GFM2: variants seen among roughly 807,000 people sequenced by gnomAD.
GFM2 encodes the protein ribosome-releasing factor 2, mitochondrial.
A neutral mutation model predicts 95.4 loss-of-function variants in GFM2; 72 were observed. That is an observed-to-expected ratio of 0.76 (90% CI 0.62 to 0.92). GFM2 has a LOEUF of 0.92. Among genes scored for constraint, GFM2 ranks in the 40% least tolerant of loss-of-function variants. GFM2 has a pLI of 0.00. For synonymous variants in GFM2, 276 were observed against 317.5 expected (o/e 0.87, Z 1.39); for missense variants, 825 against 924.1 (o/e 0.89, Z 1.39).
chr5:74,738,252 C>T (rs1304297850), intron 14 of GFM2, 66 bp downstream of exon 14: 5 of 1,219,520 alleles, frequency 4.1e-6, no homozygotes, highest in Non-Finnish European at 5.9e-6. Flanking sequence ...TTTGATATTA[C>T]AAGTTGCTTA....
chr5:74,762,881 T>C (rs1744354458), intron 2 of GFM2, among the ~76,000 whole-genome samples: 1 of 152,230 alleles, frequency 6.6e-6, no homozygotes, highest in African/African-American at 2.4e-5. Flanking sequence ...ATGAATTATT[T>C]CTGGAATTTC....
intron 19 of GFM2, 44 bp downstream of exon 19, chr5:74,725,596 A>G (rs1382680990): frequency 7.6e-7 from 1 of 1,313,008 alleles, no homozygotes; most frequent in Non-Finnish European, 1.1e-6. Flanking sequence ...TACTATACTC[A>G]GAAGAGTCAC....
chr5:74,752,250 G>A (rs530836410), intron 5 of GFM2, among the ~76,000 whole-genome samples: 1 of 152,244 alleles, frequency 6.6e-6, no homozygotes, highest in South Asian at 2.1e-4. Context: ...TTCTGTAGTT[G>A]AATTAAGCAT....
chr5:74,734,261 A>C (rs896322576), intron 15 of GFM2, among the ~76,000 whole-genome samples: 8 of 152,076 alleles, frequency 5.3e-5, no homozygotes, highest in Non-Finnish European at 1.2e-4. Context: ...AATAATTTTA[A>C]TATTGTAAAT....
intron 11 of GFM2, 133 bp from the exon 12 acceptor site, chr5:74,740,270 G>C (rs2112271564): frequency 1.7e-6 from 1 of 588,794 alleles, no homozygotes; most frequent in East Asian, 3.3e-5. Flanking sequence ...TGTTGGCTTA[G>C]TTTTTAACAC....
intron 16 of GFM2, among the ~76,000 whole-genome samples, chr5:74,732,704 A>C (rs1057165071): frequency 6.6e-6 from 1 of 152,160 alleles, no homozygotes; most frequent in East Asian, 1.9e-4. Flanking sequence ...TTAACGTAAA[A>C]GGCTCAAGGC....
intron 16 of GFM2, among the ~76,000 whole-genome samples, chr5:74,730,970 C>A (rs770374703): frequency 6.6e-6 from 1 of 152,084 alleles, no homozygotes. Context: ...TGTGCCACCA[C>A]ACCTGGCTAA....
chr5:74,750,311 T>C (rs1052770293), intron 7 of GFM2, among the ~76,000 whole-genome samples: 3 of 152,234 alleles, frequency 2.0e-5, no homozygotes, highest in Non-Finnish European at 4.4e-5. Flanking sequence ...CATTAAACTA[T>C]GGCAGGCTAA....
intron 2 of GFM2, among the ~76,000 whole-genome samples, chr5:74,762,494 T>C (rs548325716): frequency 8.5e-5 from 13 of 152,338 alleles, no homozygotes; most frequent in East Asian, 1.9e-4. Context: ...CACAATTTCA[T>C]GGATAGAAGA....
At chr5:74,757,970 A>G (rs1473051248) in intron 5 of GFM2, among the ~76,000 whole-genome samples, 1 of 152,204 alleles carries the variant, frequency 6.6e-6, no homozygotes, top group Non-Finnish European at 1.5e-5. Flanking sequence ...TAATGGGTAT[A>G]GAATTTCAAT....
chr5:74,727,519 C>A (rs549055899), intron 17 of GFM2, among the ~76,000 whole-genome samples: 1 of 152,322 alleles, frequency 6.6e-6, no homozygotes, highest in East Asian at 1.9e-4. Flanking sequence ...TGGCATTCCA[C>A]TATGAGGAAG....
chr5:74,731,099 C>T (rs1296772568), intron 16 of GFM2, among the ~76,000 whole-genome samples: 1 of 152,182 alleles, frequency 6.6e-6, no homozygotes, highest in African/African-American at 2.4e-5. Flanking sequence ...AGGCGTGAGC[C>T]ACCGCACCCG....
intron 11 of GFM2, among the ~76,000 whole-genome samples, 154 bp downstream of exon 11, chr5:74,741,375 G>A (rs1743096569): frequency 6.6e-6 from 1 of 151,924 alleles, no homozygotes; most frequent in African/African-American, 2.4e-5. Flanking sequence ...TGTATTAGTA[G>A]TGACTTTAAC....
At chr5:74,757,132 T>C (rs1744027140) in intron 5 of GFM2, among the ~76,000 whole-genome samples, 1 of 152,084 alleles carries the variant, frequency 6.6e-6, no homozygotes, top group Non-Finnish European at 1.5e-5. Context: ...GAATATAAAG[T>C]CTAAGATTAT....
intron 15 of GFM2, among the ~76,000 whole-genome samples, chr5:74,733,807 A>T (rs751191793): frequency 6.6e-6 from 1 of 152,230 alleles, no homozygotes; most frequent in Non-Finnish European, 1.5e-5. Context: ...GCAATAATGA[A>T]GTGCCAAAAG....
chr5:74,763,837 T>C (rs1008983495), intron 1 of GFM2, 71 bp from the exon 2 acceptor site: 3 of 834,356 alleles, frequency 3.6e-6, no homozygotes, highest in East Asian at 2.4e-5. Flanking sequence ...ATATGTAAGT[T>C]AGACATATGT....
At chr5:74,731,158 C>G (rs1427655202) in intron 16 of GFM2, among the ~76,000 whole-genome samples, 1 of 152,166 alleles carries the variant, frequency 6.6e-6, no homozygotes, top group African/African-American at 2.4e-5. Flanking sequence ...CATGACACAT[C>G]AGAATGAGGG....
Position 74,746,086 on chromosome 5 carries a change from A to C in GFM2, c.669+19T>G, listed in dbSNP as rs375767089. 3 of 1,489,940 alleles carry C rather than the reference A, an allele frequency of 2.0e-6. No individual in the cohort carries two copies. The African/African-American group carries it at 4.2e-5, about 21-fold the overall frequency. The allele number at this position is 1,489,940 out of a possible 1,614,324, so 92.3% of individuals were successfully genotyped here. A position where few individuals can be genotyped will look rare whatever the true frequency, so the allele number is the denominator to read the frequency against. ...TAATGAGGAAACTGAGAAGAAGCTGATGCTATTAACCAATTTACCTGTAAA... is the reference window on the plus strand; with the variant it reads ...TAATGAGGAAACTGAGAAGAAGCTGCTGCTATTAACCAATTTACCTGTAAA... On this transcript the variant is annotated intron_variant, in intron 9 of 20. Coordinates refer to ENST00000296805, the MANE Select transcript of GFM2 (RefSeq NM_032380.5).
chr5:74,758,638 G>T (rs551788015), intron 5 of GFM2, among the ~76,000 whole-genome samples: 1 of 152,264 alleles, frequency 6.6e-6, no homozygotes, highest in Non-Finnish European at 1.5e-5. Context: ...GTGTCCAGTG[G>T]GGCCTATGAT....
Sources: allele counts gnomAD v4.1 joint callset (sites outside exome capture counted in the v4.1 genomes callset), GRCh38; gene constraint gnomAD v4.1.1; transcripts MANE v1.5; gene names NCBI Gene and HGNC (gene_info 2026-07-23, HGNC 2026-07-21).